The following EML1 variants were observed in gnomAD, a reference collection of about 807,000 sequenced individuals.
EML1 encodes the protein EMAP like 1.
In EML1, 27 loss-of-function variants were observed where a neutral mutation model predicts 110.4. The observed-to-expected ratio is 0.24, with a 90% CI of 0.18 to 0.34. The LOEUF (loss-of-function observed/expected upper bound fraction) is 0.34. Ranked by LOEUF, EML1 falls within the 10% of genes least tolerant of loss-of-function variation. EML1 has a pLI of 1.00. For missense variants in EML1, 741 were observed against 1,030.9 expected (o/e 0.72, Z 3.85); for synonymous variants, 344 against 385.8 (o/e 0.89, Z 1.27).
At chr14:99,829,710 T>C (rs1284747315) in intron 1 of EML1, among the ~76,000 whole-genome samples, 1 of 152,214 alleles carries the variant, frequency 6.6e-6, no homozygotes, top group Non-Finnish European at 1.5e-5. Context: ...CTCACCTTAC[T>C]CTGTAGTAGT....
At chr14:99,787,507 G>C (rs189769697) in intron 1 of EML1, among the ~76,000 whole-genome samples, 1 of 152,196 alleles carries the variant, frequency 6.6e-6, no homozygotes, top group African/African-American at 2.4e-5. Flanking sequence ...TCGAACCCCT[G>C]ACCTCAGGTG....
At chr14:99,814,994 G>C (rs1259735005) in intron 1 of EML1, among the ~76,000 whole-genome samples, 4 of 152,146 alleles carry the variant, frequency 2.6e-5, no homozygotes, top group Non-Finnish European at 5.9e-5. Context: ...GCTAGGGAGG[G>C]GCAGAGCCAG....
At chr14:99,836,591 G>A (rs982586971) in intron 1 of EML1, among the ~76,000 whole-genome samples, 3 of 152,066 alleles carry the variant, frequency 2.0e-5, no homozygotes, top group Admixed American at 1.3e-4. Flanking sequence ...AATTGTTCTT[G>A]TCTACTAATC....
In EML1 at chr14:99,827,445, C is replaced by T. The variant is rs2058379380; in HGVS notation, c.68-23408C>T. On this transcript the variant is annotated intron_variant, in intron 1 of 21. Transcript: ENST00000262233. This position sits in a 1 kb window ranked among gnomAD's most constrained non-coding sequence, Gnocchi z 4.4. ...AATACCCTTGCAGCGTATCCAGGCC[C>T]AGTAGGCACGAGTACTATAAATACC... 6.6e-6 allele frequency among the ~76,000 whole-genome samples: 1 copy of T among 152,150 alleles called. No individual in the cohort carries two copies. Among genetic ancestry groups the T allele is most frequent in the African/African-American group, 2.4e-5 (1 of 41,416 alleles).
chr14:99,750,543 T>A (rs1237232058), intron 1 of EML1, among the ~76,000 whole-genome samples: 1 of 152,226 alleles, frequency 6.6e-6, no homozygotes, highest in Non-Finnish European at 1.5e-5. Context: ...TTTGTATCCT[T>A]GTGTGCAAAA....
chr14:99,738,123 G>A (rs1051489218), intron 1 of EML1, among the ~76,000 whole-genome samples: 5 of 152,230 alleles, frequency 3.3e-5, no homozygotes, highest in Non-Finnish European at 5.9e-5. Flanking sequence ...GCTGGCAGCC[G>A]GGGCCAGAGC....
At chr14:99,793,408 A>C, upstream of EML1, 2 of 1,009,928 alleles carry the variant, frequency 2.0e-6, no homozygotes, top group Admixed American at 6.1e-5. Context: ...GGTCGGGCTC[A>C]GCTCAGTGTG....
At chr14:99,750,661 T>C (rs2057165479) in intron 1 of EML1, among the ~76,000 whole-genome samples, 2 of 152,276 alleles carry the variant, frequency 1.3e-5, no homozygotes, top group South Asian at 4.2e-4. Context: ...TCGAGTCCCC[T>C]GAAAAGCAGA....
At chr14:99,833,983 T>G (rs574292921) in intron 1 of EML1, among the ~76,000 whole-genome samples, 28 of 152,332 alleles carry the variant, frequency 1.8e-4, no homozygotes, top group African/African-American at 6.3e-4. Flanking sequence ...ATATTTCTTT[T>G]TATTTTTCAC....
Position 99,914,584 on chromosome 14 carries a change from T to C in EML1, c.1639T>C (p.Trp547Arg), listed in dbSNP as rs1190528110. The change falls in exon 15 of 22, where the codon TGG (tryptophan) becomes CGG (arginine). Residue 547 changes from tryptophan to arginine, a missense_variant. Physicochemically the swap from Trp to Arg is moderately radical, Grantham distance 101 (BLOSUM62 -3). Transcript: ENST00000262233. ...TTTGTAGGGTCACACTGATGAGCTC[T>C]GGGGACTGGCCATCCATGCCTCAAA... is the stretch of plus-strand genomic sequence containing the variant. ...PITQGHTDEL[W>R]GLAIHASKSQ... 1 of 1,607,642 alleles carries C rather than the reference T, an allele frequency of 6.2e-7. No individual in the cohort carries two copies. The highest frequency in any genetic ancestry group is 8.5e-7 in the Non-Finnish European group (1 of 1,178,674).
intron 3 of EML1, among the ~76,000 whole-genome samples, chr14:99,870,506 G>A (rs1489493692): frequency 6.6e-6 from 1 of 152,210 alleles, no homozygotes; most frequent in South Asian, 2.1e-4. Context: ...ATGAAACAGC[G>A]TTACATTGGA....
intron 1 of EML1, among the ~76,000 whole-genome samples, chr14:99,758,994 T>C (rs1365025946): frequency 6.6e-6 from 1 of 152,340 alleles, no homozygotes; most frequent in East Asian, 1.9e-4. Context: ...ATGACTTGCT[T>C]CACGCCCATA....
upstream of EML1, among the ~76,000 whole-genome samples, chr14:99,771,968 T>C (rs953287562): frequency 6.6e-6 from 1 of 152,246 alleles, no homozygotes; most frequent in African/African-American, 2.4e-5. Flanking sequence ...AACAGCTGCT[T>C]TAAAGTTCTT....
chr14:99,868,995 T>C (rs1157912624), intron 3 of EML1, among the ~76,000 whole-genome samples: 2 of 152,194 alleles, frequency 1.3e-5, no homozygotes, highest in Non-Finnish European at 2.9e-5. Flanking sequence ...AGTTTTGGTA[T>C]GTTGTGTTTT....
chr14:99,794,278 G>A (rs976332953), intron 1 of EML1, among the ~76,000 whole-genome samples: 6 of 151,408 alleles, frequency 4.0e-5, no homozygotes, highest in African/African-American at 1.5e-4. Context: ...GATTTTCATA[G>A]CACACTGAAT....
At chr14:99,878,788 C>T (rs1265280309) in intron 4 of EML1, among the ~76,000 whole-genome samples, 169 bp downstream of exon 4, 1 of 152,010 alleles carries the variant, frequency 6.6e-6, no homozygotes, top group African/African-American at 2.4e-5. Flanking sequence ...CATTTGAGGG[C>T]AGCTGCCAGG....
intron 1 of EML1, among the ~76,000 whole-genome samples, chr14:99,759,070 A>G (rs2057287249): frequency 6.6e-6 from 1 of 152,160 alleles, no homozygotes; most frequent in Non-Finnish European, 1.5e-5. Flanking sequence ...CAGATGAGTG[A>G]TTTACATGTT....
At chr14:99,934,525 AAAC>A (rs1488594669) in intron 17 of EML1, among the ~76,000 whole-genome samples, 1 of 152,218 alleles carries the variant, frequency 6.6e-6, no homozygotes, top group Admixed American at 6.5e-5. Context: ...AGGAGGGGAG[AAAC>A]AACCCTTACC....
chr14:99,739,733 A>T (rs1019418040), intron 1 of EML1, among the ~76,000 whole-genome samples: 24 of 152,294 alleles, frequency 1.6e-4, no homozygotes, highest in African/African-American at 5.8e-4. Context: ...ATATTTACTT[A>T]TGGGTAGAAG....
Sources: gnomAD v4.1 joint callset for allele counts (sites outside exome capture counted in the v4.1 genomes callset) on GRCh38, gnomAD v4.1.1 for gene constraint, Gnocchi (gnomAD v3.1) non-coding constraint, MANE v1.5 for transcripts, NCBI Gene and HGNC (gene_info 2026-07-23, HGNC 2026-07-21) for gene names.